The following CLEC16A variants were observed in gnomAD, a reference collection of about 807,000 sequenced individuals.
The protein encoded by CLEC16A is C-type lectin domain containing 16A.
Under a neutral mutation model 109.5 loss-of-function variants are expected in CLEC16A, and 51 were observed. That is an observed-to-expected ratio of 0.47 (90% CI 0.37 to 0.59). The LOEUF is 0.59. Ranked by LOEUF, CLEC16A falls within the 20% of genes least tolerant of loss-of-function variation. The pLI, the probability that CLEC16A is intolerant of heterozygous loss-of-function variation, is 0.00. For synonymous variants in CLEC16A, 673 were observed against 564.2 expected (o/e 1.19, Z -2.73); for missense variants, 1,339 against 1,394.0 (o/e 0.96, Z 0.63).
chr16:11,124,738 G>C (rs1481711409), intron 21 of CLEC16A, among the ~76,000 whole-genome samples: 1 of 152,176 alleles, frequency 6.6e-6, no homozygotes, highest in Non-Finnish European at 1.5e-5. Context: ...TGGCTGCTGA[G>C]AGGATTTTAA....
At chr16:10,976,183 TC>T (rs2043022353) in intron 7 of CLEC16A, among the ~76,000 whole-genome samples, 1 of 152,106 alleles carries the variant, frequency 6.6e-6, no homozygotes, top group Non-Finnish European at 1.5e-5. Flanking sequence ...GGTGGGAGGA[TC>T]CCTTGAACCT....
chr16:11,055,111 A>G (rs1381401066), intron 18 of CLEC16A, among the ~76,000 whole-genome samples: 1 of 152,158 alleles, frequency 6.6e-6, no homozygotes, highest in Non-Finnish European at 1.5e-5. Context: ...TATGTGCCAA[A>G]TACTGTGTTA....
At chr16:10,982,584 C>G (rs2146721329) in intron 9 of CLEC16A, among the ~76,000 whole-genome samples, 1 of 152,296 alleles carries the variant, frequency 6.6e-6, no homozygotes. Context: ...CCGCATTGCT[C>G]CACTTCAGCC....
chr16:11,067,347 A>C (rs983641270), intron 19 of CLEC16A, among the ~76,000 whole-genome samples: 1 of 77,108 alleles, frequency 1.3e-5, no homozygotes, highest in East Asian at 5.9e-4. Context: ...TTCTAAGAGC[A>C]GGTGACGGGG....
At position 11,123,897 on chromosome 16, in the gene CLEC16A, G is replaced by A; in HGVS notation, c.2424G>A (p.Leu808=). The change falls in exon 21 of 24, where the codon CTG becomes CTA. Residue 808 remains leucine (L), a synonymous_variant. Transcript: ENST00000409790. ...GCTGCATCATCGCCAAGCAGCGCCT[G>A]GCCAAAGGCCGCATCCAGGCAAGGC... ...HIRCIIAKQR[L]AKGRIQARRM... is the part of the protein sequence containing the mutation. The A allele has an allele frequency of 6.2e-7, 1 of 1,613,848 alleles. No individual in the cohort carries two copies. Among genetic ancestry groups the A allele is most frequent in the South Asian group, 1.1e-5 (1 of 91,066 alleles).
At chr16:11,176,465 G>C (rs1176260508) in intron 23 of CLEC16A, among the ~76,000 whole-genome samples, 1 of 152,148 alleles carries the variant, frequency 6.6e-6, no homozygotes. Flanking sequence ...TGGGCACGGT[G>C]GTTCACACCT....
intron 8 of CLEC16A, among the ~76,000 whole-genome samples, chr16:10,978,618 G>C (rs1362166435): frequency 2.0e-5 from 3 of 152,120 alleles, no homozygotes; most frequent in Non-Finnish European, 4.4e-5. Flanking sequence ...AAAGCACGCT[G>C]CTTTTCCTTT....
chr16:11,025,329 C>A (rs914455737), intron 13 of CLEC16A, among the ~76,000 whole-genome samples: 1 of 152,148 alleles, frequency 6.6e-6, no homozygotes, highest in African/African-American at 2.4e-5. Flanking sequence ...ATTCTGTGTT[C>A]AGAGCTGAAA....
At chr16:11,080,928 G>A (rs1171942199) in intron 19 of CLEC16A, among the ~76,000 whole-genome samples, 2 of 152,232 alleles carry the variant, frequency 1.3e-5, no homozygotes, top group Non-Finnish European at 2.9e-5. Context: ...AAGGTAGCAT[G>A]TTCACAGGTT....
At chr16:11,140,700 C>T (rs1443481839) in intron 22 of CLEC16A, among the ~76,000 whole-genome samples, 1 of 152,196 alleles carries the variant, frequency 6.6e-6, no homozygotes, top group Non-Finnish European at 1.5e-5. Context: ...TTGAAAGCCA[C>T]CATCATCAGT....
intron 19 of CLEC16A, among the ~76,000 whole-genome samples, chr16:11,080,978 G>C (rs958199849): frequency 6.6e-5 from 10 of 152,222 alleles, no homozygotes; most frequent in Admixed American, 2.0e-4. Flanking sequence ...GGCTATTACA[G>C]CCCACCCCAG....
Position 11,169,692 on chromosome 16 carries a change from C to A in CLEC16A, c.2806+3140C>A, listed in dbSNP as rs887550824. ...CCCAGTTTTCCATAGCTCTAGCCCA[C>A]GGTTTTGAACACTTGAATTGTTCAA... On this transcript the variant is annotated intron_variant, in intron 23 of 23. Transcript: ENST00000409790. Among the ~76,000 whole-genome samples the A allele has an allele frequency of 1.4e-4, 21 of 152,332 alleles. No individual in the cohort carries two copies. The East Asian group carries it at 2.3e-3, about 17-fold the overall frequency.
At position 10,972,417 on chromosome 16, in the gene CLEC16A, T is replaced by C. The variant is rs1383638818; in HGVS notation, c.599-137T>C. 10 of 723,032 alleles carry C rather than the reference T, an allele frequency of 1.4e-5. No homozygotes were observed. In the East Asian group the frequency reaches 2.4e-4, roughly 17 times the overall value. 44.8% of individuals were successfully genotyped at this position (723,032 alleles called of 1,614,324 possible). A position where few individuals can be genotyped will look rare whatever the true frequency, so the allele number is the denominator to read the frequency against. The stretch of plus-strand genomic sequence containing the variant: ...TTTCTCCTGTCTCCTTCTAACCTTA[T>C]CTCTCTGTGCAGATGCCTCCCACCC... On this transcript the variant is annotated intron_variant, in intron 5 of 23. Transcript: ENST00000409790.
At chr16:11,083,001 A>G (rs1405704305) in intron 19 of CLEC16A, among the ~76,000 whole-genome samples, 1 of 152,176 alleles carries the variant, frequency 6.6e-6, no homozygotes, top group Non-Finnish European at 1.5e-5. Context: ...CTGCAACAAC[A>G]CTGACCCCTG....
At chr16:10,980,371 A>C (rs1296242387) in intron 9 of CLEC16A, among the ~76,000 whole-genome samples, 1 of 152,040 alleles carries the variant, frequency 6.6e-6, no homozygotes, top group African/African-American at 2.4e-5. Context: ...CATAAACCCC[A>C]GCCTCTCCTG....
chr16:11,021,153 C>G (rs772820977), intron 12 of CLEC16A, among the ~76,000 whole-genome samples: 38 of 152,298 alleles, frequency 2.5e-4, no homozygotes, highest in Admixed American at 3.3e-4. Context: ...CTTTAGTAAT[C>G]CAACTTCAAG....
intron 18 of CLEC16A, among the ~76,000 whole-genome samples, chr16:11,058,123 C>T (rs888907222): frequency 2.0e-5 from 3 of 152,220 alleles, no homozygotes; most frequent in Non-Finnish European, 2.9e-5. Context: ...CCCATGGGAG[C>T]CCAGGTTTTG....
intron 6 of CLEC16A, 118 bp downstream of exon 6, chr16:10,972,677 C>A: frequency 1.0e-6 from 1 of 956,138 alleles, no homozygotes; most frequent in Non-Finnish European, 1.7e-6. Context: ...GATAAGTAGG[C>A]TCTCCCATGC....
At position 11,078,983 on chromosome 16, in the gene CLEC16A, C is replaced by T. The variant is rs575830116; in HGVS notation, c.2116+17961C>T. The stretch of plus-strand genomic sequence containing the variant: ...ACCTGACTTGAAGACAAATCACTTG[C>T]CCTCTCGAGCCTTGGGCACCTGTCT... On this transcript the variant is annotated intron_variant, in intron 19 of 23. Coordinates refer to ENST00000409790, the MANE Select transcript of CLEC16A (RefSeq NM_015226.3). Among the ~76,000 whole-genome samples the T allele has an allele frequency of 4.6e-5, 7 of 152,260 alleles. No homozygotes were observed. In the South Asian group the frequency reaches 1.4e-3, roughly 31 times the overall value.
Sources: gnomAD v4.1 joint callset for allele counts (sites outside exome capture counted in the v4.1 genomes callset) on GRCh38, gnomAD v4.1.1 for gene constraint, MANE v1.5 for transcripts, NCBI Gene and HGNC (gene_info 2026-07-23, HGNC 2026-07-21) for gene names.